PFKFB2: variants seen among roughly 807,000 people sequenced by gnomAD.
PFKFB2 encodes the protein 6-phosphofructo-2-kinase/fructose-2,6-biphosphatase 2.
PFKFB2 carries 53 observed loss-of-function variants against 68.0 expected under a neutral mutation model. That is an observed-to-expected ratio of 0.78 (90% CI 0.63 to 0.98). The LOEUF is 0.98. Among genes scored for constraint, PFKFB2 ranks in the 50% least tolerant of loss-of-function variants. The pLI is 0.00. For synonymous variants in PFKFB2, 222 were observed against 227.6 expected, an observed-to-expected ratio of 0.98 and a Z score of 0.22; for missense variants, 451 against 642.0, an observed-to-expected ratio of 0.70 and a Z score of 3.22.
rs916996679 is a variant in PFKFB2 at position 207,054,741 on chromosome 1, A to G, written c.24A>G (p.Glu8=). Residue 8 remains glutamate (E), a synonymous_variant, in exon 2 of 15, where the codon GAA becomes GAG. Transcript: ENST00000367080. ...CCATGTCTGGGGCATCTTCCTCAGAACAGAACAACAACAGCTATGAAACCA... is the reference window on the plus strand; with the variant it reads ...CCATGTCTGGGGCATCTTCCTCAGAGCAGAACAACAACAGCTATGAAACCA... MSGASSS[E]QNNNSYETKT... 1 of 1,613,882 alleles carries G rather than the reference A, an allele frequency of 6.2e-7. No individual in the cohort carries two copies. Among genetic ancestry groups the G allele is most frequent in the Non-Finnish European group, 8.5e-7 (1 of 1,179,822 alleles).
At chr1:207,060,978 C>CTATA (rs1270357707) in intron 2 of PFKFB2, 1 of 137,932 alleles carries the variant, frequency 7.2e-6, no homozygotes, top group African/African-American at 2.7e-5. Flanking sequence ...ATCTATATAT[C>CTATA]TATATATCTA....
chr1:207,076,885 G>C lies in PFKFB2; in HGVS notation c.*4514G>C. 1 of 984,676 alleles carries C rather than the reference G, an allele frequency of 1.0e-6. No homozygotes were observed. Among genetic ancestry groups the C allele is most frequent in the Non-Finnish European group, 1.2e-6 (1 of 829,280 alleles). The allele number at this position is 984,676 out of a possible 1,614,324, so 61.0% of individuals were successfully genotyped here. ...CTGCTTTCTGATTGTATCCATTGAA[G>C]TGTATGTACATTATGGTAATTCTCT... On this transcript the variant is annotated 3_prime_UTR_variant, in exon 15 of 15. Transcript: ENST00000367080.
chr1:207,079,134 G>A, downstream of PFKFB2: 1 of 881,902 alleles, frequency 1.1e-6, no homozygotes, highest in Admixed American at 1.8e-5. Context: ...GACTTTGGGG[G>A]CCACCAAAAC....
rs1558066765 is a variant in PFKFB2, at chr1:207,072,924, G to A, written c.*553G>A. 2.0e-6 allele frequency: 2 copies of A among 985,766 alleles called. No individual in the cohort carries two copies. The highest frequency in any genetic ancestry group is 2.4e-6 in the Non-Finnish European group (2 of 830,198). 61.1% of individuals were successfully genotyped at this position (985,766 alleles called of 1,614,324 possible). The stretch of plus-strand genomic sequence containing the variant: ...TGGCATTGTGGTGTCTGTCTAGGAA[G>A]GAAGGGGTGATTGACAAGAGACAAG... On this transcript the variant is annotated 3_prime_UTR_variant, in exon 15 of 15. Coordinates refer to ENST00000367080, the MANE Select transcript of PFKFB2 (RefSeq NM_006212.2).
At chr1:207,050,568 C>T (rs1354671763), upstream of PFKFB2, 3 of 1,341,492 alleles carry the variant, frequency 2.2e-6, no homozygotes, top group African/African-American at 1.5e-5. Context: ...TATCCTCGCC[C>T]CTGGCCTCAA....
chr1:207,040,274 G>T (rs1682452120), intron 1 of PFKFB2, among the ~76,000 whole-genome samples: 1 of 152,204 alleles, frequency 6.6e-6, no homozygotes, highest in Non-Finnish European at 1.5e-5. Flanking sequence ...GCTTATTGCA[G>T]TGATTCAACA....
chr1:207,050,477 G>A (rs1682711697), upstream of PFKFB2, among the ~76,000 whole-genome samples: 1 of 152,180 alleles, frequency 6.6e-6, no homozygotes, highest in Non-Finnish European at 1.5e-5. Flanking sequence ...AAGGCTTTGG[G>A]TTCCCTTTCA....
intron 2 of PFKFB2, chr1:207,047,606 C>T (rs1682629909): frequency 6.6e-6 from 1 of 152,556 alleles, no homozygotes; most frequent in Non-Finnish European, 1.5e-5. Flanking sequence ...AATTTAGCAT[C>T]CCTGATCAGA....
rs1323300051 is a variant in PFKFB2 at position 207,077,028 on chromosome 1, C to G, written c.*4657C>G. The G allele has an allele frequency of 6.1e-6, 6 of 983,810 alleles. No homozygotes were observed. Among genetic ancestry groups the G allele is most frequent in the Non-Finnish European group, 6.0e-6 (5 of 828,508 alleles). 60.9% of individuals were successfully genotyped at this position (983,810 alleles called of 1,614,324 possible). A position where few individuals can be genotyped will look rare whatever the true frequency, so the allele number is the denominator to read the frequency against. Reference sequence around the variant, plus strand: ...TTTCTTATATAGTAGTGGCCAAATTCTCATTATTTTGTACAAGATAAAGGT... The same window carrying G: ...TTTCTTATATAGTAGTGGCCAAATTGTCATTATTTTGTACAAGATAAAGGT... On this transcript the variant is annotated 3_prime_UTR_variant, in exon 15 of 15. Coordinates refer to ENST00000367080, the MANE Select transcript of PFKFB2 (RefSeq NM_006212.2).
rs574695365 is a variant in PFKFB2 at position 207,053,904 on chromosome 1, ATTTT to A, written c.-18+555_-18+558del. On this transcript the variant is annotated intron_variant, in intron 1 of 14. Coordinates refer to ENST00000367080, the MANE Select transcript of PFKFB2 (RefSeq NM_006212.2). ...TTTCTTTCTTTCTTTTTCATTTTTC[ATTTT>A]TTTTTTTTTTTTTTTTGACAGAGTC... 3.7e-3 allele frequency among the ~76,000 whole-genome samples: 358 copies of A among 97,900 alleles called. 1 individual carries two copies. The highest frequency in any genetic ancestry group is 0.011 in the African/African-American group (284 of 24,786). The allele number at this position is 97,900 out of a possible 152,430, so 64.2% of individuals were successfully genotyped here. A position where few individuals can be genotyped will look rare whatever the true frequency, so the allele number is the denominator to read the frequency against.
chr1:207,035,639 C>T (rs1682360281), intron 1 of PFKFB2, among the ~76,000 whole-genome samples: 1 of 150,564 alleles, frequency 6.6e-6, no homozygotes. Flanking sequence ...GGTGACAGAG[C>T]AAGACCCTGT....
chr1:207,048,910 T>C (rs1682663038), upstream of PFKFB2: 1 of 991,094 alleles, frequency 1.0e-6, no homozygotes, highest in African/African-American at 1.6e-5. Context: ...GTTAAAAGGA[T>C]GGTTCAAGCA....
intron 2 of PFKFB2, chr1:207,043,895 CATTTAGAT>C (rs1682531027): frequency 6.6e-6 from 1 of 152,550 alleles, no homozygotes; most frequent in African/African-American, 2.4e-5. Context: ...CTTAATACAG[CATTTAGAT>C]ATTTAAAGTC....
rs1475645922 is a variant in PFKFB2, at chr1:207,072,430, CT to C, written c.*60del. On this transcript the variant is annotated 3_prime_UTR_variant, in exon 15 of 15. Coordinates refer to ENST00000367080, the MANE Select transcript of PFKFB2 (RefSeq NM_006212.2). ...CTGTGTGTTTCCCTCCAGCCCTGGC[CT>C]CCTGCCCTTGTCACTAATCACCAAG... 1 of 1,564,620 alleles carries C rather than the reference CT, an allele frequency of 6.4e-7. No homozygotes were observed. Among genetic ancestry groups the C allele is most frequent in the Non-Finnish European group, 8.6e-7 (1 of 1,157,462 alleles).
upstream of PFKFB2, among the ~76,000 whole-genome samples, chr1:207,050,301 G>GA (rs926498163): frequency 1.3e-4 from 20 of 148,360 alleles, no homozygotes; most frequent in South Asian, 2.1e-4. Flanking sequence ...AATGAATCAA[G>GA]AAAAAAAAAA....
At chr1:207,050,656 G>C (rs772400689), upstream of PFKFB2, 2 of 1,609,490 alleles carry the variant, frequency 1.2e-6, no homozygotes, top group East Asian at 2.2e-5. Context: ...ATCCTCCCGG[G>C]ACTTTCCCTG....
chr1:207,052,421 G>A (rs1356188949), upstream of PFKFB2: 3 of 519,726 alleles, frequency 5.8e-6, no homozygotes, highest in Non-Finnish European at 1.0e-5. Flanking sequence ...CAGCACTTTG[G>A]GAGGCCGAGG....
At chr1:207,056,613 C>T (rs1052315001) in intron 2 of PFKFB2, among the ~76,000 whole-genome samples, 5 of 151,894 alleles carry the variant, frequency 3.3e-5, no homozygotes, top group Non-Finnish European at 7.4e-5. Context: ...GCAGTAATCC[C>T]TGGTTTCTTT....
chr1:207,053,251 T>A (rs751134426), upstream of PFKFB2: 3 of 152,380 alleles, frequency 2.0e-5, no homozygotes, highest in Non-Finnish European at 4.4e-5. Flanking sequence ...CGGGCTCACA[T>A]GATTTGCCGG....
Sources: gnomAD v4.1 joint callset for allele counts (sites outside exome capture counted in the v4.1 genomes callset) on GRCh38, gnomAD v4.1.1 for gene constraint, MANE v1.5 for transcripts, NCBI Gene and HGNC (gene_info 2026-07-23, HGNC 2026-07-21) for gene names.